The following LDHC variants were observed in gnomAD, a reference collection of about 807,000 sequenced individuals.
The protein encoded by LDHC is L-lactate dehydrogenase C chain.
LDHC carries 20 observed loss-of-function variants against 30.2 expected under a neutral mutation model. The observed-to-expected ratio is 0.66, with a 90% CI of 0.47 to 0.96. The LOEUF (loss-of-function observed/expected upper bound fraction) is 0.96, where lower values mean the gene tolerates loss of function less well. Among genes scored for constraint, LDHC ranks in the 40% least tolerant of loss-of-function variants. The pLI is 0.00. For missense variants in LDHC, 362 were observed against 394.9 expected, an observed-to-expected ratio of 0.92 and a Z score of 0.71; for synonymous variants, 139 against 132.7, an observed-to-expected ratio of 1.05 and a Z score of -0.32.
chr11:18,428,613 G>A (rs1415776148), intron 3 of LDHC, among the ~76,000 whole-genome samples: 1 of 151,982 alleles, frequency 6.6e-6, no homozygotes, highest in Non-Finnish European at 1.5e-5. Context: ...GGTAGCTCAC[G>A]CCTGTAATCC....
At chr11:18,445,368 T>C (rs1366312260) in intron 6 of LDHC, among the ~76,000 whole-genome samples, 1 of 152,122 alleles carries the variant, frequency 6.6e-6, no homozygotes, top group East Asian at 1.9e-4. Context: ...TTTGTATTTT[T>C]AGTAGAGATG....
chr11:18,448,558 C>A (rs549661086), intron 7 of LDHC, among the ~76,000 whole-genome samples: 30 of 152,300 alleles, frequency 2.0e-4, no homozygotes, highest in African/African-American at 6.5e-4. Context: ...GCTGGGATTA[C>A]AGGCGTGAGC....
At chr11:18,437,751 CAAAA>C (rs11308924) in intron 5 of LDHC, among the ~76,000 whole-genome samples, 21 of 126,380 alleles carry the variant, frequency 1.7e-4, no homozygotes, top group Admixed American at 2.4e-4. Flanking sequence ...GACTCCCTCT[CAAAA>C]AAAAAAAAAA....
intron 3 of LDHC, among the ~76,000 whole-genome samples, chr11:18,427,492 A>G (rs1246571072): frequency 6.6e-6 from 1 of 152,134 alleles, no homozygotes; most frequent in Non-Finnish European, 1.5e-5. Context: ...CAAAGTTGGG[A>G]ATACTGGCAG....
intron 2 of LDHC, among the ~76,000 whole-genome samples, chr11:18,413,310 T>A (rs1866935486): frequency 6.6e-6 from 1 of 152,026 alleles, no homozygotes; most frequent in Admixed American, 6.6e-5. Flanking sequence ...TTCGAACTCC[T>A]GACCTCAAGT....
intron 6 of LDHC, among the ~76,000 whole-genome samples, chr11:18,441,383 T>C (rs1590234345): frequency 6.6e-6 from 1 of 151,764 alleles, no homozygotes. Flanking sequence ...AGTGGTGTGG[T>C]CTCTGCACTC....
intron 4 of LDHC, among the ~76,000 whole-genome samples, chr11:18,431,637 G>A (rs1011354400): frequency 5.3e-5 from 8 of 151,930 alleles, no homozygotes; most frequent in Non-Finnish European, 8.8e-5. Flanking sequence ...TCTCCTTGTC[G>A]CAGGTTCAAG....
At chr11:18,436,207 A>G (rs1222587421) in intron 5 of LDHC, among the ~76,000 whole-genome samples, 4 of 152,138 alleles carry the variant, frequency 2.6e-5, no homozygotes, top group African/African-American at 9.6e-5. Context: ...TTTCTCTGGT[A>G]TATTTTAATT....
At chr11:18,427,765 C>T (rs562444349) in intron 3 of LDHC, among the ~76,000 whole-genome samples, 1 of 151,572 alleles carries the variant, frequency 6.6e-6, no homozygotes, top group Non-Finnish European at 1.5e-5. Flanking sequence ...GCAACCTCCA[C>T]CTCCTAGGTT....
intron 4 of LDHC, 39 bp from the exon 5 acceptor site, chr11:18,434,701 A>G (rs889458108): frequency 7.3e-7 from 1 of 1,364,568 alleles, no homozygotes; most frequent in Non-Finnish European, 1.0e-6. Flanking sequence ...TTTTTAAGTT[A>G]TGATGAATCT....
intron 6 of LDHC, among the ~76,000 whole-genome samples, chr11:18,442,665 T>C (rs1345910251): frequency 4.7e-5 from 7 of 147,980 alleles, no homozygotes; most frequent in African/African-American, 1.7e-4. Context: ...TCTCTCTTTT[T>C]TTTTTTTTTT....
At chr11:18,418,879 C>T (rs946882522) in intron 3 of LDHC, among the ~76,000 whole-genome samples, 3 of 151,964 alleles carry the variant, frequency 2.0e-5, no homozygotes, top group Admixed American at 2.0e-4. Flanking sequence ...ATGTTCTTAA[C>T]AAAAAAGTAA....
intron 4 of LDHC, among the ~76,000 whole-genome samples, chr11:18,430,858 A>G (rs561532725): frequency 2.5e-4 from 38 of 152,170 alleles, no homozygotes; most frequent in Non-Finnish European, 5.1e-4. Flanking sequence ...GTATATGTTT[A>G]ACTCTATCAG....
chr11:18,444,858 G>T (rs983039519), intron 6 of LDHC, among the ~76,000 whole-genome samples: 6 of 151,600 alleles, frequency 4.0e-5, no homozygotes, highest in African/African-American at 1.2e-4. Flanking sequence ...ACCACTATTT[G>T]TAGCAATGCA....
intron 4 of LDHC, among the ~76,000 whole-genome samples, chr11:18,431,286 C>G (rs1403031344): frequency 6.6e-6 from 1 of 151,906 alleles, no homozygotes; most frequent in Non-Finnish European, 1.5e-5. Flanking sequence ...CGTAGTGAAA[C>G]CCCATCTCTA....
At chr11:18,432,537 C>A (rs1379011456) in intron 4 of LDHC, among the ~76,000 whole-genome samples, 2 of 151,876 alleles carry the variant, frequency 1.3e-5, no homozygotes, top group African/African-American at 2.4e-5. Flanking sequence ...GTCTTGATGA[C>A]CTGTCTATTG....
At position 18,429,770 on chromosome 11, in the gene LDHC, T is replaced by G. The variant is rs1233188387; in HGVS notation, c.278T>G (p.Ile93Ser). ...GTATCTGCAAACTCCAGAATAGTTATTGTCACAGCAGGTGCAAGGCAGCAG... is the reference window on the plus strand; with the variant it reads ...GTATCTGCAAACTCCAGAATAGTTAGTGTCACAGCAGGTGCAAGGCAGCAG... ...YSVSANSRIV[I>S]VTAGARQQEG... The change falls in exon 4 of 8, where the codon ATT becomes AGT. Residue 93 changes from isoleucine (I) to serine (S), a missense_variant. Physicochemically the swap from Ile to Ser is moderately radical, Grantham distance 142. Transcript: ENST00000541669. 6.2e-7 allele frequency: 1 copy of G among 1,611,606 alleles called. No individual in the cohort carries two copies. Among genetic ancestry groups the G allele is most frequent in the East Asian group, 2.2e-5 (1 of 44,836 alleles).
Position 18,415,270 on chromosome 11 carries a change from CT to C in LDHC, c.216del (p.Phe72LeufsTer20). ...TGGATCTTCAGCATGGCAGTCTTTT[CT>C]TTAGTACTTCAAAGATTACTTCTGG... ...MMDLQHGSLF[F>X]STSKITSGKD... On this transcript the variant is annotated frameshift_variant, in exon 3 of 8. Coordinates refer to ENST00000541669, the MANE Select transcript of LDHC (RefSeq NM_017448.5). LOFTEE classifies it high-confidence loss of function. 1 of 1,589,244 alleles carries C rather than the reference CT, an allele frequency of 6.3e-7. No individual in the cohort carries two copies. Among genetic ancestry groups the C allele is most frequent in the Non-Finnish European group, 8.6e-7 (1 of 1,158,576 alleles).
intron 2 of LDHC, among the ~76,000 whole-genome samples, chr11:18,414,425 A>G (rs2134043707): frequency 6.6e-6 from 1 of 152,368 alleles, no homozygotes. Context: ...CACTAGACAG[A>G]TGAAAACAAT....
Sources: gnomAD v4.1 joint callset for allele counts (sites outside exome capture counted in the v4.1 genomes callset) on GRCh38, gnomAD v4.1.1 for gene constraint, MANE v1.5 for transcripts, NCBI Gene and HGNC (gene_info 2026-07-23, HGNC 2026-07-21) for gene names.